Variants in DCT observed in about 807,000 individuals in gnomAD.
DCT encodes L-dopachrome tautomerase.
Under a neutral mutation model 53.0 loss-of-function variants are expected in DCT, and 47 were observed. The ratio of observed to expected loss-of-function variants is 0.89; its 90% CI spans 0.70 to 1.13. DCT has a LOEUF of 1.13. DCT is among the 50% of genes most tolerant of loss of function. DCT has a pLI of 0.00. For synonymous variants in DCT, 244 were observed against 237.0 expected, an observed-to-expected ratio of 1.03 and a Z score of -0.27; for missense variants, 669 against 637.4, an observed-to-expected ratio of 1.05 and a Z score of -0.53.
At chr13:94,536,845 GAGGC>G in the DCT span, among the ~76,000 whole-genome samples, 1 of 152,128 alleles carries the variant, frequency 6.6e-6, no homozygotes, top group African/African-American at 2.4e-5. Context: ...TCTGAAGACT[GAGGC>G]AGGAGAATTG....
At chr13:94,465,142 C>T (rs61964068) in intron 4 of DCT, among the ~76,000 whole-genome samples, 27,566 of 152,172 alleles carry the variant, frequency 0.18, 2,650 homozygotes, top group Non-Finnish European at 0.2. Flanking sequence ...CCACACTCAA[C>T]TGTAATTTAC....
the DCT span, among the ~76,000 whole-genome samples, chr13:94,534,249 A>G: frequency 1.3e-5 from 2 of 152,190 alleles, no homozygotes; most frequent in African/African-American, 4.8e-5. Flanking sequence ...TACAAAGAGA[A>G]AGTAATCAAG....
Position 94,460,011 on chromosome 13 carries a change from A to C in DCT, c.1179+80T>G. 4.3e-6 allele frequency: 6 copies of C among 1,402,284 alleles called. No individual in the cohort carries two copies. In the South Asian group the frequency reaches 7.2e-5, roughly 17 times the overall value. 86.9% of individuals were successfully genotyped at this position (1,402,284 alleles called of 1,614,324 possible). On this transcript the variant is annotated intron_variant, in intron 6 of 7. Transcript: ENST00000377028. ...TTGTTCACACAGAGAATAAAACACC[A>C]TCAAACATTAATTGTATGAAAAAAT...
the DCT span, among the ~76,000 whole-genome samples, chr13:94,488,719 TATATACACACACACACACACACACAC>T: frequency 0.022 from 1,815 of 83,592 alleles, 41 homozygotes; most frequent in African/African-American, 0.082. Context: ...TCTTGTCTAA[TATATACACACACACACACACACACAC>T]ACACACACAC....
the DCT span, among the ~76,000 whole-genome samples, chr13:94,517,589 C>T: frequency 6.6e-6 from 1 of 152,166 alleles, no homozygotes; most frequent in Non-Finnish European, 1.5e-5. Flanking sequence ...GTAAATGTTG[C>T]CTTGTATGGC....
chr13:94,513,895 G>A, the DCT span, among the ~76,000 whole-genome samples: 54 of 137,954 alleles, frequency 3.9e-4, no homozygotes, highest in Non-Finnish European at 2.7e-4. Context: ...GCTGAGGCAA[G>A]AGAATCACTT....
chr13:94,510,321 T>C, the DCT span, among the ~76,000 whole-genome samples: 1 of 152,174 alleles, frequency 6.6e-6, no homozygotes, highest in Non-Finnish European at 1.5e-5. Flanking sequence ...TACCACCAAG[T>C]GATCATCCTG....
Position 94,460,167 on chromosome 13 carries a change from A to C in DCT, c.1103T>G (p.Leu368Arg). ...CAGGAAGGAATGAACCAAATTATGA[A>C]GGCTCATCACTTGAGAATCCAGAGT... ...DGTLDSQVMS[L>R]HNLVHSFLNG... The change falls in exon 6 of 8, where the codon CTT becomes CGT. Residue 368 changes from leucine (L) to arginine (R), a missense_variant. Physicochemically the swap from Leu to Arg is moderately radical, Grantham distance 102 (BLOSUM62 -2). Transcript: ENST00000377028. 1 of 1,613,866 alleles carries C rather than the reference A, an allele frequency of 6.2e-7. No homozygotes were observed. Among genetic ancestry groups the C allele is most frequent in the Non-Finnish European group, 8.5e-7 (1 of 1,179,726 alleles).
intron 2 of DCT, chr13:94,467,266 T>C (rs1884283212): frequency 2.0e-5 from 3 of 152,242 alleles, no homozygotes; most frequent in African/African-American, 7.2e-5. Context: ...ACACTGGAAC[T>C]GCCAATTTTA....
At chr13:94,496,129 A>G in the DCT span, among the ~76,000 whole-genome samples, 1 of 152,198 alleles carries the variant, frequency 6.6e-6, no homozygotes, top group South Asian at 2.1e-4. Context: ...AGTGTGATCC[A>G]GCTTAATCAA....
the DCT span, among the ~76,000 whole-genome samples, chr13:94,545,404 T>C: frequency 6.6e-6 from 1 of 152,018 alleles, no homozygotes; most frequent in Non-Finnish European, 1.5e-5. Flanking sequence ...GAAATAACAA[T>C]CTGAGAAGCT....
At chr13:94,522,221 G>C in the DCT span, among the ~76,000 whole-genome samples, 1 of 152,160 alleles carries the variant, frequency 6.6e-6, no homozygotes, top group African/African-American at 2.4e-5. Context: ...CAGTGAGCTG[G>C]GAAAGGCAGA....
Position 94,479,242 on chromosome 13 carries a change from C to G in DCT, c.14G>C (p.Trp5Ser). The stretch of plus-strand genomic sequence containing the variant: ...CAAGCAACTGAGCAGAAACCCCCAC[C>G]AAAGGGGGCTCATGGCTTTATAATT... Reference protein sequence around the residue: MSPLWWGFLLSCLGC... With the variant: MSPLSWGFLLSCLGC... The change falls in exon 1 of 8, where the codon TGG becomes TCG. Residue 5 changes from tryptophan to serine, a missense_variant. By Grantham distance (177) the Trp-to-Ser change is radical (BLOSUM62 -3). Coordinates refer to ENST00000377028, the MANE Select transcript of DCT (RefSeq NM_001922.5). The G allele has an allele frequency of 1.3e-6, 2 of 1,587,356 alleles. No homozygotes were observed. The highest frequency in any genetic ancestry group is 2.2e-5 in the South Asian group (2 of 89,238).
chr13:94,509,323 C>T, the DCT span, among the ~76,000 whole-genome samples: 1 of 152,012 alleles, frequency 6.6e-6, no homozygotes, highest in South Asian at 2.1e-4. Flanking sequence ...ATCCTGGGTC[C>T]CCATCTCCTG....
At chr13:94,511,850 GTGTGTGTGTGTGTGTGTGTT>G in the DCT span, among the ~76,000 whole-genome samples, 1 of 151,450 alleles carries the variant, frequency 6.6e-6, no homozygotes, top group Admixed American at 6.6e-5. Context: ...GTGTGTGTGT[GTGTGTGTGTGTGTGTGTGTT>G]TGTGTTTTAA....
the DCT span, among the ~76,000 whole-genome samples, chr13:94,491,807 A>G: frequency 6.6e-6 from 1 of 152,266 alleles, no homozygotes; most frequent in East Asian, 1.9e-4. Context: ...AAAGGTTAGC[A>G]TTTGTCAATC....
In DCT at chr13:94,441,187, A is replaced by C. The variant is rs1392021264; in HGVS notation, c.1382-1111T>G. On this transcript the variant is annotated intron_variant, in intron 7 of 7. Coordinates refer to ENST00000377028, the MANE Select transcript of DCT (RefSeq NM_001922.5). ...ATGGGATTCCTCCAAGAGGGTTTTGATCTGTCTCCTCCTGATTCAACCCAG... is the reference window on the plus strand; with the variant it reads ...ATGGGATTCCTCCAAGAGGGTTTTGCTCTGTCTCCTCCTGATTCAACCCAG... Among the ~76,000 whole-genome samples the C allele has an allele frequency of 2.0e-5, 3 of 152,022 alleles. No individual in the cohort carries two copies. The East Asian group carries it at 5.8e-4, about 29-fold the overall frequency.
chr13:94,540,107 A>T, the DCT span, among the ~76,000 whole-genome samples: 2 of 150,148 alleles, frequency 1.3e-5, no homozygotes. Context: ...CTCAATTATC[A>T]ATTCTAAAAA....
intron 7 of DCT, 73 bp from the exon 8 acceptor site, chr13:94,440,149 G>C: frequency 7.6e-7 from 1 of 1,308,816 alleles, no homozygotes; most frequent in Non-Finnish European, 1.1e-6. Context: ...AAAAGAGCAA[G>C]CGCACTTGCC....
Sources: gnomAD v4.1 joint callset for allele counts (sites outside exome capture counted in the v4.1 genomes callset) on GRCh38, gnomAD v4.1.1 for gene constraint, MANE v1.5 for transcripts, NCBI Gene and HGNC (gene_info 2026-07-23, HGNC 2026-07-21) for gene names.